Variants in B3GLCT observed in about 807,000 individuals in gnomAD.
B3GLCT encodes the protein beta 3-glucosyltransferase.
In B3GLCT, 65 loss-of-function variants were observed where a neutral mutation model predicts 63.4. The observed-to-expected ratio is 1.03, with a 90% CI of 0.84 to 1.26. The LOEUF (loss-of-function observed/expected upper bound fraction) is 1.26, where lower values mean the gene tolerates loss of function less well. Ranked by LOEUF, B3GLCT falls within the 50% of genes most tolerant of loss-of-function variation. The pLI, the probability that B3GLCT is intolerant of heterozygous loss-of-function variation, is 0.00. For synonymous variants in B3GLCT, 233 were observed against 219.2 expected (o/e 1.06, Z -0.55); for missense variants, 577 against 604.8 (o/e 0.95, Z 0.48).
chr13:31,206,749 A>C (rs1868977479), intron 1 of B3GLCT, among the ~76,000 whole-genome samples: 2 of 152,156 alleles, frequency 1.3e-5, no homozygotes, highest in Admixed American at 6.5e-5. Context: ...AAAACAAAAA[A>C]AAACAAAAGA....
intron 6 of B3GLCT, among the ~76,000 whole-genome samples, chr13:31,257,155 T>G (rs907975921): frequency 1.3e-5 from 2 of 152,188 alleles, no homozygotes; most frequent in Admixed American, 6.5e-5. Context: ...AATTAAGAGA[T>G]AAAACATAAC....
chr13:31,288,639 C>T (rs1048363103), intron 12 of B3GLCT, among the ~76,000 whole-genome samples: 10 of 152,222 alleles, frequency 6.6e-5, no homozygotes, highest in African/African-American at 2.4e-4. Flanking sequence ...TACCACGAAC[C>T]TTGTGTACTA....
intron 6 of B3GLCT, among the ~76,000 whole-genome samples, chr13:31,255,652 A>G (rs1394836801): frequency 1.3e-5 from 2 of 152,206 alleles, no homozygotes; most frequent in African/African-American, 4.8e-5. Flanking sequence ...AACACCACAC[A>G]TCTACAACCA....
chr13:31,296,173 C>T (rs573901293), intron 12 of B3GLCT, among the ~76,000 whole-genome samples: 5 of 152,360 alleles, frequency 3.3e-5, no homozygotes, highest in African/African-American at 1.2e-4. Flanking sequence ...TGAGATGCAC[C>T]AGGTACCTCA....
At chr13:31,221,475 A>C (rs1309266478) in intron 2 of B3GLCT, among the ~76,000 whole-genome samples, 1 of 152,120 alleles carries the variant, frequency 6.6e-6, no homozygotes, top group Non-Finnish European at 1.5e-5. Context: ...CTTTTTTAGT[A>C]ATTTCTTCCA....
At position 31,255,899 on chromosome 13, in the gene B3GLCT, C is replaced by T. The variant is rs57462512; in HGVS notation, c.460-5047C>T. 6.8e-3 allele frequency among the ~76,000 whole-genome samples: 1,042 copies of T among 152,252 alleles called. 13 individuals carry two copies. The highest frequency in any genetic ancestry group is 0.024 in the African/African-American group (1,007 of 41,526). On this transcript the variant is annotated intron_variant, in intron 6 of 14. Transcript: ENST00000343307. ...ATAGGCATGGGCAAAGACTTCATGA[C>T]GAAAACACCGAAAGCAATGGCAACA...
At chr13:31,230,757 C>T (rs527236861) in intron 4 of B3GLCT, among the ~76,000 whole-genome samples, 4 of 152,254 alleles carry the variant, frequency 2.6e-5, no homozygotes, top group African/African-American at 9.6e-5. Context: ...CGCCTATAAT[C>T]CCAGCACTTT....
At chr13:31,283,826 C>CA (rs1873186020) in intron 10 of B3GLCT, among the ~76,000 whole-genome samples, 1 of 152,090 alleles carries the variant, frequency 6.6e-6, no homozygotes, top group Non-Finnish European at 1.5e-5. Context: ...TTTGGTTCAT[C>CA]AGAGTTTTGA....
chr13:31,265,889 G>A (rs949684856), intron 7 of B3GLCT, among the ~76,000 whole-genome samples: 8 of 152,284 alleles, frequency 5.3e-5, no homozygotes, highest in African/African-American at 1.4e-4. Context: ...CAGCTAGGAA[G>A]TAGAATTGAA....
chr13:31,257,130 A>G (rs1310587564), intron 6 of B3GLCT, among the ~76,000 whole-genome samples: 1 of 152,208 alleles, frequency 6.6e-6, no homozygotes, highest in African/African-American at 2.4e-5. Flanking sequence ...ATACTATATA[A>G]TAGCTGAATA....
chr13:31,229,623 G>A (rs780418837), intron 4 of B3GLCT, among the ~76,000 whole-genome samples: 18 of 151,942 alleles, frequency 1.2e-4, no homozygotes, highest in South Asian at 2.1e-4. Context: ...ATGCATGCCC[G>A]TAATCCCAGC....
intron 13 of B3GLCT, among the ~76,000 whole-genome samples, chr13:31,318,672 T>G (rs1051278533): frequency 2.6e-5 from 4 of 152,218 alleles, no homozygotes; most frequent in Middle Eastern, 3.4e-3. Flanking sequence ...CAAGGAGTGT[T>G]GACCTCCTTA....
intron 3 of B3GLCT, among the ~76,000 whole-genome samples, chr13:31,224,140 CAG>C (rs928451724): frequency 6.6e-6 from 1 of 152,100 alleles, no homozygotes; most frequent in Non-Finnish European, 1.5e-5. Flanking sequence ...CTAGGGCCCA[CAG>C]GGGAGTGTTT....
Position 31,211,576 on chromosome 13 carries a change from T to C in B3GLCT, c.71-3475T>C, listed in dbSNP as rs189396206. ...AGCAGAGTGATAAGAAATGACAGAC[T>C]TTTTTGGTTTGGGTTTTTTTTTTTT... On this transcript the variant is annotated intron_variant, in intron 1 of 14. Coordinates refer to ENST00000343307, the MANE Select transcript of B3GLCT (RefSeq NM_194318.4). 3.6e-4 allele frequency among the ~76,000 whole-genome samples: 55 copies of C among 151,770 alleles called. 2 individuals carry two copies. In the Middle Eastern group the frequency reaches 0.037, roughly 103 times the overall value.
rs1875909561 is a variant in B3GLCT at position 31,331,288 on chromosome 13, C to T, written c.*1620C>T. ...GCTGCCTACACCAGTGGAAAAGAGT[C>T]TCCAGTTCTGCTCTGGCCTACTAAC... On this transcript the variant is annotated 3_prime_UTR_variant, in exon 15 of 15. Transcript: ENST00000343307. The T allele has an allele frequency of 6.6e-6, 1 of 152,226 alleles. No individual in the cohort carries two copies. 9.4% of individuals were successfully genotyped at this position (152,226 alleles called of 1,614,324 possible).
chr13:31,222,194 T>C (rs1282483488), intron 2 of B3GLCT, among the ~76,000 whole-genome samples: 2 of 151,160 alleles, frequency 1.3e-5, no homozygotes, highest in Admixed American at 6.6e-5. Flanking sequence ...TTGTCCTGCC[T>C]CAGCCTCCTG....
At chr13:31,260,198 C>T (rs1871958484) in intron 6 of B3GLCT, among the ~76,000 whole-genome samples, 1 of 152,196 alleles carries the variant, frequency 6.6e-6, no homozygotes, top group Non-Finnish European at 1.5e-5. Flanking sequence ...CCTTTGACGG[C>T]TCTTCCTCAG....
Position 31,246,956 on chromosome 13 carries a change from T to C in B3GLCT, c.271-67T>C, listed in dbSNP as rs9542300. ...TTTTTCTTTTCTTTTCTTTTCTTTTTTTTTTTTTTTACTTTTTTTCGGAGT... is the reference window on the plus strand; with the variant it reads ...TTTTTCTTTTCTTTTCTTTTCTTTTCTTTTTTTTTTACTTTTTTTCGGAGT... On this transcript the variant is annotated intron_variant, in intron 4 of 14. Coordinates refer to ENST00000343307, the MANE Select transcript of B3GLCT (RefSeq NM_194318.4). The C allele has an allele frequency of 0.17, 163,881 of 975,430 alleles. 12,753 individuals are homozygous for C. Among genetic ancestry groups the C allele is most frequent in the South Asian group, 0.24 (15,666 of 64,820 alleles). 60.4% of individuals were successfully genotyped at this position (975,430 alleles called of 1,614,324 possible).
chr13:31,319,469 A>G (rs773309227), intron 13 of B3GLCT, among the ~76,000 whole-genome samples: 1 of 152,030 alleles, frequency 6.6e-6, no homozygotes, highest in Non-Finnish European at 1.5e-5. Context: ...ATAATTTCCA[A>G]TTTTTATCCT....
Sources: gnomAD v4.1 joint callset for allele counts (sites outside exome capture counted in the v4.1 genomes callset) on GRCh38, gnomAD v4.1.1 for gene constraint, MANE v1.5 for transcripts, NCBI Gene and HGNC (gene_info 2026-07-23, HGNC 2026-07-21) for gene names.